TTC28: variants seen among roughly 807,000 people sequenced by gnomAD.
TTC28 encodes the protein tetratricopeptide repeat domain 28.
A neutral mutation model predicts 198.0 loss-of-function variants in TTC28; 61 were observed. The observed-to-expected ratio is 0.31, with a 90% CI of 0.25 to 0.38. The LOEUF is 0.38. Ranked by LOEUF, TTC28 falls within the 10% of genes least tolerant of loss-of-function variation. The probability of loss-of-function intolerance (pLI) is 1.00; values close to 1 mark genes in which losing one functional copy is unlikely to be tolerated. For missense variants in TTC28, 2,678 were observed against 3,164.0 expected (o/e 0.85, Z 3.69); for synonymous variants, 1,171 against 1,297.8 (o/e 0.90, Z 2.10).
At chr22:28,623,697 G>A (rs2051035443) in intron 2 of TTC28, among the ~76,000 whole-genome samples, 1 of 152,114 alleles carries the variant, frequency 6.6e-6, no homozygotes, top group Non-Finnish European at 1.5e-5. Context: ...TAAAGAGTAT[G>A]TTATTTGACT....
chr22:28,590,034 CAAAAAAAAAAAAAA>C (rs71194779), intron 2 of TTC28, among the ~76,000 whole-genome samples: 35,620 of 69,494 alleles, frequency 0.51, 7,022 homozygotes, highest in South Asian at 0.64. Flanking sequence ...AAGACTCCAT[CAAAAAAAAAAAAAA>C]AAAAAAAAAA....
At chr22:27,993,552 G>A (rs1235829472) in intron 17 of TTC28, 34 bp from the exon 18 acceptor site, 2 of 1,508,204 alleles carry the variant, frequency 1.3e-6, no homozygotes, top group Admixed American at 4.1e-5. Context: ...CAGAGACCCA[G>A]GCCAGCCCTG....
At chr22:28,204,218 T>G (rs1378431269) in intron 5 of TTC28, among the ~76,000 whole-genome samples, 2 of 152,144 alleles carry the variant, frequency 1.3e-5, no homozygotes, top group Non-Finnish European at 2.9e-5. Context: ...CATCCCACTC[T>G]CTTCTCTTCT....
At chr22:28,264,127 A>T (rs1434897866) in intron 5 of TTC28, among the ~76,000 whole-genome samples, 1 of 152,128 alleles carries the variant, frequency 6.6e-6, no homozygotes, top group Non-Finnish European at 1.5e-5. Context: ...TAATCCCCAT[A>T]TGTCATGGGA....
intron 6 of TTC28, among the ~76,000 whole-genome samples, chr22:28,122,986 G>T (rs1009070230): frequency 6.6e-6 from 1 of 152,154 alleles, no homozygotes; most frequent in African/African-American, 2.4e-5. Flanking sequence ...TATTGAAATG[G>T]GGTATGAAGG....
chr22:28,284,803 C>T (rs2044649534), intron 5 of TTC28, among the ~76,000 whole-genome samples: 1 of 152,130 alleles, frequency 6.6e-6, no homozygotes, highest in African/African-American at 2.4e-5. Context: ...GATATCACCT[C>T]ATAGCTCTTA....
intron 14 of TTC28, among the ~76,000 whole-genome samples, chr22:28,010,814 G>C (rs1938126718): frequency 1.3e-5 from 2 of 152,198 alleles, no homozygotes; most frequent in Non-Finnish European, 1.5e-5. Flanking sequence ...AAGCCTATTG[G>C]CTGATTTCTA....
chr22:28,141,965 T>G (rs140638816), intron 6 of TTC28, among the ~76,000 whole-genome samples: 1 of 152,236 alleles, frequency 6.6e-6, no homozygotes, highest in Non-Finnish European at 1.5e-5. Context: ...TAAATAATTT[T>G]GCATTTAATG....
At chr22:28,570,436 T>C (rs1244184340) in intron 2 of TTC28, among the ~76,000 whole-genome samples, 1 of 152,144 alleles carries the variant, frequency 6.6e-6, no homozygotes, top group Admixed American at 6.5e-5. Context: ...AGGCCATCAT[T>C]CTAAGCAGGA....
At chr22:28,132,917 T>C (rs1943092506) in intron 6 of TTC28, among the ~76,000 whole-genome samples, 1 of 152,158 alleles carries the variant, frequency 6.6e-6, no homozygotes, top group Non-Finnish European at 1.5e-5. Flanking sequence ...TATGAGATAA[T>C]ATAAATATAT....
intron 10 of TTC28, among the ~76,000 whole-genome samples, chr22:28,098,603 C>G (rs1456615511): frequency 6.6e-6 from 1 of 151,552 alleles, no homozygotes; most frequent in South Asian, 2.1e-4. Context: ...TGAGTTTATC[C>G]TAGTGCCAAT....
chr22:28,566,446 A>G (rs947563272), intron 2 of TTC28, among the ~76,000 whole-genome samples: 1 of 152,190 alleles, frequency 6.6e-6, no homozygotes, highest in Admixed American at 6.5e-5. Context: ...TAATACCTTA[A>G]GCCTCTCCTT....
At chr22:27,988,127 TCAGAACC>T (rs1937273788) in intron 21 of TTC28, among the ~76,000 whole-genome samples, 1 of 152,084 alleles carries the variant, frequency 6.6e-6, no homozygotes, top group Admixed American at 6.5e-5. Flanking sequence ...CCAAGGGGAT[TCAGAACC>T]CCTGTGAGGC....
At chr22:28,104,396 A>T (rs1326470768) in intron 8 of TTC28, among the ~76,000 whole-genome samples, 1 of 152,228 alleles carries the variant, frequency 6.6e-6, no homozygotes, top group South Asian at 2.1e-4. Context: ...GAATTGAATC[A>T]GCTTAAATAA....
intron 2 of TTC28, among the ~76,000 whole-genome samples, chr22:28,591,110 G>T (rs1250648644): frequency 6.9e-5 from 9 of 130,708 alleles, no homozygotes; most frequent in Admixed American, 1.6e-4. Context: ...TTGTTGGGGG[G>T]AATTATTTTT....
intron 5 of TTC28, among the ~76,000 whole-genome samples, chr22:28,277,928 C>A (rs2044502742): frequency 2.0e-5 from 3 of 152,086 alleles, no homozygotes; most frequent in Admixed American, 1.3e-4. Context: ...AGCATCTTAG[C>A]CACAAAAATC....
chr22:28,494,549 C>CCA (rs1205424920), intron 2 of TTC28, among the ~76,000 whole-genome samples: 1 of 152,174 alleles, frequency 6.6e-6, no homozygotes, highest in Non-Finnish European at 1.5e-5. Context: ...TAGAGACTTT[C>CCA]CACTGGAATG....
chr22:28,477,846 C>A (rs1271749739), intron 2 of TTC28, among the ~76,000 whole-genome samples: 3 of 152,118 alleles, frequency 2.0e-5, no homozygotes, highest in African/African-American at 7.2e-5. Context: ...GAAAACATGC[C>A]CAACACTGCC....
At chr22:28,274,057 TATACTATATGAAACC>T (rs1932257109) in intron 5 of TTC28, among the ~76,000 whole-genome samples, 1 of 152,108 alleles carries the variant, frequency 6.6e-6, no homozygotes, top group Non-Finnish European at 1.5e-5. Context: ...TAGAAAAGGA[TATACTATATGAAACC>T]ATTTGTATAA....
Sources: gnomAD v4.1 joint callset for allele counts (sites outside exome capture counted in the v4.1 genomes callset) on GRCh38, gnomAD v4.1.1 for gene constraint, MANE v1.5 for transcripts, NCBI Gene and HGNC (gene_info 2026-07-23, HGNC 2026-07-21) for gene names.